Variants in CCDC126 observed in about 807,000 individuals in gnomAD.
CCDC126 encodes coiled-coil domain-containing protein 126.
CCDC126 carries 5 observed loss-of-function variants against 11.7 expected under a neutral mutation model. The ratio of observed to expected loss-of-function variants is 0.43; its 90% CI spans 0.22 to 0.90. The LOEUF (loss-of-function observed/expected upper bound fraction) is 0.90. CCDC126 is among the 40% of genes least tolerant of loss of function. The pLI is 0.27. For synonymous variants in CCDC126, 60 were observed against 61.9 expected (o/e 0.97, Z 0.14); for missense variants, 150 against 163.1 (o/e 0.92, Z 0.44).
intron 2 of CCDC126, among the ~76,000 whole-genome samples, chr7:23,600,374 A>AC (rs35190673): frequency 0.18 from 14,534 of 80,396 alleles, 2,038 homozygotes; most frequent in Non-Finnish European, 0.24. Flanking sequence ...TTCTGTGTTA[A>AC]CCCCCCCCCC....
intron 3 of CCDC126, among the ~76,000 whole-genome samples, chr7:23,633,282 G>C (rs1278099114): frequency 6.6e-6 from 1 of 152,188 alleles, no homozygotes; most frequent in Non-Finnish European, 1.5e-5. Context: ...GTGAGCCACT[G>C]TGCCCGGCCC....
intron 3 of CCDC126, among the ~76,000 whole-genome samples, chr7:23,626,497 G>GT (rs1382709098): frequency 3.8e-4 from 57 of 151,566 alleles, no homozygotes; most frequent in Middle Eastern, 3.4e-3. Context: ...ATTTTTTAAT[G>GT]GAAATTAAAA....
intron 3 of CCDC126, chr7:23,622,909 T>C: frequency 3.0e-6 from 1 of 329,378 alleles, no homozygotes; most frequent in South Asian, 2.7e-5. Context: ...TAACATGAAT[T>C]ATTATTCTGT....
At chr7:23,625,036 G>T (rs979514145) in intron 3 of CCDC126, among the ~76,000 whole-genome samples, 7 of 152,074 alleles carry the variant, frequency 4.6e-5, no homozygotes, top group Non-Finnish European at 7.4e-5. Flanking sequence ...TTGAGTCAGG[G>T]TCTCACTGTG....
At position 23,643,293 on chromosome 7, in the gene CCDC126, T is replaced by G. The variant is rs1322462783; in HGVS notation, c.*178T>G. On this transcript the variant is annotated 3_prime_UTR_variant, in exon 4 of 4. Coordinates refer to ENST00000307471, the MANE Select transcript of CCDC126 (RefSeq NM_138771.4). ...CTGTACATAAAAATTTTAAAGTTATTTGTTTGCTTTCAGGCAAGTCTGTTC... is the reference window on the plus strand; with the variant it reads ...CTGTACATAAAAATTTTAAAGTTATGTGTTTGCTTTCAGGCAAGTCTGTTC... The G allele has an allele frequency of 1.0e-5, 6 of 578,652 alleles. No homozygotes were observed. The highest frequency in any genetic ancestry group is 4.2e-4 in the Middle Eastern group (1 of 2,404). The allele number at this position is 578,652 out of a possible 1,614,324, so 35.8% of individuals were successfully genotyped here. A position where few individuals can be genotyped will look rare whatever the true frequency, so the allele number is the denominator to read the frequency against.
At chr7:23,638,712 T>C (rs1020198156) in intron 3 of CCDC126, among the ~76,000 whole-genome samples, 1 of 44,428 alleles carries the variant, frequency 2.3e-5, no homozygotes, top group East Asian at 6.3e-4. Context: ...GAATGATCAA[T>C]AAAAAAAAAA....
Position 23,599,859 on chromosome 7 carries a change from A to G in CCDC126, c.-146+1808A>G, listed in dbSNP as rs189979186. Among the ~76,000 whole-genome samples, 43 of 152,302 alleles carry G rather than the reference A, an allele frequency of 2.8e-4. No individual in the cohort carries two copies. The East Asian group carries it at 4.8e-3, about 17-fold the overall frequency. On this transcript the variant is annotated intron_variant, in intron 2 of 3. Transcript: ENST00000307471. The stretch of plus-strand genomic sequence containing the variant: ...GAGTGCAGTGGTGCGATCTCTGCAC[A>G]CTGCATCCTCTACCTCCCAGGTTCA...
chr7:23,626,073 A>AT (rs1280469527), intron 3 of CCDC126, among the ~76,000 whole-genome samples: 1 of 116,886 alleles, frequency 8.6e-6, no homozygotes, highest in Non-Finnish European at 2.1e-5. Flanking sequence ...AGTAAAATAC[A>AT]TTTTTTATGA....
At chr7:23,609,663 T>C (rs1297485900) in intron 2 of CCDC126, among the ~76,000 whole-genome samples, 1 of 151,596 alleles carries the variant, frequency 6.6e-6, no homozygotes, top group African/African-American at 2.4e-5. Flanking sequence ...AGTTCAGGAG[T>C]TCGAGACTAG....
intron 2 of CCDC126, among the ~76,000 whole-genome samples, chr7:23,600,028 G>A (rs897648663): frequency 2.0e-5 from 3 of 152,016 alleles, no homozygotes; most frequent in African/African-American, 4.8e-5. Context: ...CAAGTGATCC[G>A]CCCTCTTCAG....
At chr7:23,632,688 T>C (rs1450418070) in intron 3 of CCDC126, among the ~76,000 whole-genome samples, 1 of 152,258 alleles carries the variant, frequency 6.6e-6, no homozygotes, top group Non-Finnish European at 1.5e-5. Context: ...TTTGTAAATC[T>C]ACGGTTATCT....
intron 3 of CCDC126, among the ~76,000 whole-genome samples, chr7:23,627,921 G>A (rs1429674877): frequency 6.6e-6 from 1 of 152,092 alleles, no homozygotes; most frequent in Non-Finnish European, 1.5e-5. Context: ...ATATTTAAAT[G>A]TTCTTCAGAA....
chr7:23,634,326 A>G (rs570103070), intron 3 of CCDC126, among the ~76,000 whole-genome samples: 3 of 151,722 alleles, frequency 2.0e-5, no homozygotes, highest in South Asian at 2.1e-4. Flanking sequence ...AGTCCCAGCT[A>G]TTTGGCAGGG....
chr7:23,638,578 C>A (rs1282516677), intron 3 of CCDC126, among the ~76,000 whole-genome samples: 3 of 124,544 alleles, frequency 2.4e-5, no homozygotes, highest in South Asian at 3.0e-4. Flanking sequence ...ACAAACACTG[C>A]GGAAGGCCGC....
At chr7:23,616,120 A>G (rs1782790574) in intron 3 of CCDC126, among the ~76,000 whole-genome samples, 2 of 152,208 alleles carry the variant, frequency 1.3e-5, no homozygotes, top group South Asian at 2.1e-4. Context: ...CTAGAGTTTA[A>G]TAAGTATCGA....
intron 2 of CCDC126, among the ~76,000 whole-genome samples, chr7:23,608,626 C>A (rs1056612268): frequency 6.6e-6 from 1 of 152,096 alleles, no homozygotes; most frequent in Non-Finnish European, 1.5e-5. Flanking sequence ...TGCCTAATGG[C>A]ATGATGATAA....
chr7:23,618,953 C>T (rs967420565), intron 3 of CCDC126, among the ~76,000 whole-genome samples: 1 of 152,070 alleles, frequency 6.6e-6, no homozygotes, highest in African/African-American at 2.4e-5. Flanking sequence ...GTCAGATACC[C>T]TGGAGAAGCA....
chr7:23,638,727 T>TAAAAAAAAAAAAAAAAAAAAC (rs70954398), intron 3 of CCDC126, among the ~76,000 whole-genome samples: 3 of 89,666 alleles, frequency 3.3e-5, no homozygotes, highest in Non-Finnish European at 6.6e-5. Flanking sequence ...AAAAAAAAAT[T>TAAAAAAAAAAAAAAAAAAAAC]AAAAAAAAAA....
At chr7:23,632,312 C>A (rs1783130366) in intron 3 of CCDC126, among the ~76,000 whole-genome samples, 1 of 152,142 alleles carries the variant, frequency 6.6e-6, no homozygotes, top group Admixed American at 6.5e-5. Flanking sequence ...CCAGGCTGGT[C>A]TTGGAACTCC....
Sources: allele counts gnomAD v4.1 joint callset (sites outside exome capture counted in the v4.1 genomes callset), GRCh38; gene constraint gnomAD v4.1.1; transcripts MANE v1.5; gene names NCBI Gene and HGNC (gene_info 2026-07-23, HGNC 2026-07-21).